The following CREB5 variants were observed in gnomAD, a reference collection of about 807,000 sequenced individuals.
CREB5 encodes the protein cyclic AMP-responsive element-binding protein 5.
CREB5 carries 19 observed loss-of-function variants against 57.1 expected under a neutral mutation model. That is an observed-to-expected ratio of 0.33 (90% CI 0.23 to 0.49). The LOEUF is 0.49. Ranked by LOEUF, CREB5 falls within the 20% of genes least tolerant of loss-of-function variation. CREB5 has a pLI of 0.99. For synonymous variants in CREB5, 238 were observed against 238.3 expected (o/e 1.00, Z 0.01); for missense variants, 579 against 671.6 (o/e 0.86, Z 1.52).
At chr7:28,775,513 A>G (rs1178938027) in intron 7 of CREB5, among the ~76,000 whole-genome samples, 1 of 137,906 alleles carries the variant, frequency 7.3e-6, no homozygotes, top group African/African-American at 2.7e-5. Flanking sequence ...CTCACATAAT[A>G]TATTATGCCA....
chr7:28,658,967 A>ATATATATATG, intron 5 of CREB5, among the ~76,000 whole-genome samples: 2 of 140,230 alleles, frequency 1.4e-5, no homozygotes, highest in Admixed American at 7.3e-5. Context: ...ATATATATAT[A>ATATATATATG]TATATATATA....
chr7:28,308,957 A>T (rs1283794127), intron 1 of CREB5, among the ~76,000 whole-genome samples: 2 of 152,198 alleles, frequency 1.3e-5, no homozygotes, highest in African/African-American at 4.8e-5. Context: ...AGACTTCCAT[A>T]ATGTAGGTGG....
chr7:28,361,344 A>G (rs565559132), intron 1 of CREB5, among the ~76,000 whole-genome samples: 8 of 152,240 alleles, frequency 5.3e-5, no homozygotes, highest in Admixed American at 5.2e-4. Context: ...GTCAATGTTC[A>G]TATTGCTTTG....
chr7:28,788,830 T>TAAA (rs11403343), intron 7 of CREB5, among the ~76,000 whole-genome samples: 1 of 137,088 alleles, frequency 7.3e-6, no homozygotes. Flanking sequence ...TCTTCTGGTT[T>TAAA]AAAAAAAAAA....
chr7:28,526,980 C>T (rs1216195696), intron 4 of CREB5, among the ~76,000 whole-genome samples: 1 of 152,230 alleles, frequency 6.6e-6, no homozygotes, highest in African/African-American at 2.4e-5. Context: ...ACATACTCTA[C>T]ACCCCTTATG....
At chr7:28,636,138 A>C (rs1327860833) in intron 5 of CREB5, among the ~76,000 whole-genome samples, 1 of 152,076 alleles carries the variant, frequency 6.6e-6, no homozygotes, top group Non-Finnish European at 1.5e-5. Flanking sequence ...ATTCTTTTCT[A>C]ATAATATATT....
At chr7:28,676,278 G>A (rs1408498114) in intron 5 of CREB5, among the ~76,000 whole-genome samples, 1 of 152,078 alleles carries the variant, frequency 6.6e-6, no homozygotes, top group Admixed American at 6.5e-5. Flanking sequence ...CAGACATTCG[G>A]CACCTATCAA....
rs1172346343 is a variant in CREB5 at position 28,819,112 on chromosome 7, C to G, written c.1364-4C>G. On this transcript the variant is annotated splice_region_variant and splice_polypyrimidine_tract_variant and intron_variant, in intron 10 of 10. Coordinates refer to ENST00000357727, the MANE Select transcript of CREB5 (RefSeq NM_182898.4). ...GTGTGTGTTGTCTTTTTTTTTCTCC[C>G]TAGGTCCAGAGAGTAGCCCTCCTGC... 1 of 1,609,584 alleles carries G rather than the reference C, an allele frequency of 6.2e-7. No homozygotes were observed. Among genetic ancestry groups the G allele is most frequent in the Non-Finnish European group, 8.5e-7 (1 of 1,178,364 alleles).
At chr7:28,649,390 T>C (rs1450046405) in intron 5 of CREB5, among the ~76,000 whole-genome samples, 1 of 152,232 alleles carries the variant, frequency 6.6e-6, no homozygotes, top group Non-Finnish European at 1.5e-5. Flanking sequence ...TATCCACAAA[T>C]AAAGTTTTAT....
chr7:28,656,850 G>T (rs1048957615), intron 5 of CREB5, among the ~76,000 whole-genome samples: 2 of 142,716 alleles, frequency 1.4e-5, no homozygotes, highest in Admixed American at 6.8e-5. Flanking sequence ...CATCTAAGAA[G>T]ATTTTTTTTT....
At chr7:28,327,256 G>A (rs1468722289) in intron 1 of CREB5, among the ~76,000 whole-genome samples, 1 of 151,942 alleles carries the variant, frequency 6.6e-6, no homozygotes, top group Non-Finnish European at 1.5e-5. Flanking sequence ...TTTATCTCTG[G>A]TATGTTATGC....
rs568772678 is a variant in CREB5 at position 28,574,634 on chromosome 7, C to T, written c.464+4097C>T. On this transcript the variant is annotated intron_variant, in intron 5 of 10. Coordinates refer to ENST00000357727, the MANE Select transcript of CREB5 (RefSeq NM_182898.4). ...AATGGATATCAGTACAGAGCTCTGA[C>T]GGGTTATGGGAGACGCTTCCAAAAT... 1.2e-4 allele frequency among the ~76,000 whole-genome samples: 18 copies of T among 152,262 alleles called. No homozygotes were observed. In the East Asian group the frequency reaches 1.9e-3, roughly 16 times the overall value.
intron 1 of CREB5, among the ~76,000 whole-genome samples, chr7:28,486,608 A>G (rs1044209214): frequency 2.1e-5 from 3 of 145,928 alleles, no homozygotes; most frequent in African/African-American, 7.6e-5. Flanking sequence ...GAGGGGGGGT[A>G]TGATATAGAA....
rs375972388 is a variant in CREB5, at chr7:28,598,597, G to A, written c.464+28060G>A. 3.9e-5 allele frequency among the ~76,000 whole-genome samples: 6 copies of A among 152,270 alleles called. 1 individual carries two copies. On this transcript the variant is annotated intron_variant, in intron 5 of 10. Transcript: ENST00000357727. ...GTGTCCCAGGTTAATTAGCACTGGT[G>A]AGTCCATTAAGCTATTGTAATATCA...
At chr7:28,440,969 T>C (rs1272164476) in intron 1 of CREB5, among the ~76,000 whole-genome samples, 1 of 152,212 alleles carries the variant, frequency 6.6e-6, no homozygotes, top group African/African-American at 2.4e-5. Context: ...TTGGTTTCAA[T>C]AAAATCCCAA....
At chr7:28,508,704 G>A (rs1476379623) in intron 4 of CREB5, among the ~76,000 whole-genome samples, 3 of 152,058 alleles carry the variant, frequency 2.0e-5, no homozygotes, top group South Asian at 2.1e-4. Context: ...AGCCTGTATG[G>A]CTTCAGGAGA....
chr7:28,697,882 A>G (rs1385384300), intron 5 of CREB5, among the ~76,000 whole-genome samples: 3 of 152,192 alleles, frequency 2.0e-5, no homozygotes, highest in Non-Finnish European at 2.9e-5. Flanking sequence ...TCCTAAATTC[A>G]GCAGGTTCTT....
chr7:28,411,588 T>A (rs1337576200), upstream of CREB5, among the ~76,000 whole-genome samples: 10 of 151,452 alleles, frequency 6.6e-5, no homozygotes, highest in Non-Finnish European at 1.5e-4. Context: ...GAGGGAGGTG[T>A]GCAGCAGAAA....
intron 4 of CREB5, among the ~76,000 whole-genome samples, chr7:28,513,093 A>G (rs1792783445): frequency 6.6e-6 from 1 of 152,210 alleles, no homozygotes; most frequent in African/African-American, 2.4e-5. Context: ...AAATCATGTT[A>G]CCCGATGCCA....
Sources: allele counts gnomAD v4.1 joint callset (sites outside exome capture counted in the v4.1 genomes callset), GRCh38; gene constraint gnomAD v4.1.1; transcripts MANE v1.5; gene names NCBI Gene and HGNC (gene_info 2026-07-23, HGNC 2026-07-21).